The following TCF12 variants were observed in gnomAD, a reference collection of about 807,000 sequenced individuals.
TCF12 encodes transcription factor 12.
In TCF12, 45 loss-of-function variants were observed where a neutral mutation model predicts 86.0. The ratio of observed to expected loss-of-function variants is 0.52; its 90% CI spans 0.41 to 0.67. TCF12 has a LOEUF of 0.67. TCF12 is among the 30% of genes least tolerant of loss of function. TCF12 has a pLI of 0.00. For missense variants in TCF12, 881 were observed against 859.9 expected (o/e 1.02, Z -0.31); for synonymous variants, 330 against 299.6 (o/e 1.10, Z -1.05).
rs530337789 is a variant in TCF12 at position 57,157,095 on chromosome 15, T to G, written c.326-9307T>G. On this transcript the variant is annotated intron_variant, in intron 5 of 20. Transcript: ENST00000333725. Reference sequence around the variant, plus strand: ...ATGTGATTGTTACTTGACTTTCTTTTTCTTTGTTTTGGAGTAAGTGGAGTA... The same window carrying G: ...ATGTGATTGTTACTTGACTTTCTTTGTCTTTGTTTTGGAGTAAGTGGAGTA... Among the ~76,000 whole-genome samples, 25 of 152,326 alleles carry G rather than the reference T, an allele frequency of 1.6e-4. No homozygotes were observed. The South Asian group carries it at 4.3e-3, about 26-fold the overall frequency.
intron 8 of TCF12, among the ~76,000 whole-genome samples, chr15:57,204,557 A>G (rs567003894): frequency 2.0e-5 from 3 of 152,322 alleles, no homozygotes; most frequent in East Asian, 3.9e-4. Flanking sequence ...TTTTAAAAAA[A>G]TGTGAATTTT....
intron 3 of TCF12, among the ~76,000 whole-genome samples, chr15:57,051,114 G>T (rs2082739634): frequency 6.6e-6 from 1 of 152,096 alleles, no homozygotes; most frequent in Admixed American, 6.5e-5. Context: ...GCAGAGTTTT[G>T]TTTTTGCTCT....
intron 6 of TCF12, among the ~76,000 whole-genome samples, chr15:57,167,579 G>A (rs2054996102): frequency 6.6e-6 from 1 of 151,906 alleles, no homozygotes; most frequent in Non-Finnish European, 1.5e-5. Flanking sequence ...AGAGAGAAAG[G>A]AGGGAAGGAG....
At position 57,289,343 on chromosome 15, in the gene TCF12, G is replaced by C. The variant is rs1478119123; in HGVS notation, c.*3198G>C. On this transcript the variant is annotated 3_prime_UTR_variant, in exon 21 of 21. Transcript: ENST00000333725. The stretch of plus-strand genomic sequence containing the variant: ...TGAAATAAAATATAGAGACCATCTA[G>C]TAAATGACCTCATTAATATATCTGT... 1 of 152,140 alleles carries C rather than the reference G, an allele frequency of 6.6e-6. No homozygotes were observed. The highest frequency in any genetic ancestry group is 1.5e-5 in the Non-Finnish European group (1 of 68,048). The allele number at this position is 152,140 out of a possible 1,614,324, so 9.4% of individuals were successfully genotyped here. A position where few individuals can be genotyped will look rare whatever the true frequency, so the allele number is the denominator to read the frequency against.
chr15:57,026,405 C>G (rs116525341), intron 3 of TCF12, among the ~76,000 whole-genome samples: 1 of 152,136 alleles, frequency 6.6e-6, no homozygotes, highest in Non-Finnish European at 1.5e-5. Context: ...GCCTAGTGTC[C>G]TGTTACTGAT....
chr15:56,995,657 T>G (rs1383141486), intron 3 of TCF12, among the ~76,000 whole-genome samples: 1 of 152,108 alleles, frequency 6.6e-6, no homozygotes, highest in Non-Finnish European at 1.5e-5. Flanking sequence ...CCCTGAAACT[T>G]TATTGTAGTT....
At chr15:57,083,407 A>C (rs1413595767) in intron 4 of TCF12, among the ~76,000 whole-genome samples, 2 of 151,922 alleles carry the variant, frequency 1.3e-5, no homozygotes, top group East Asian at 3.9e-4. Context: ...TCGTTTCTAC[A>C]ATGGGTATAT....
intron 3 of TCF12, among the ~76,000 whole-genome samples, chr15:56,981,051 C>T (rs74018449): frequency 2.1e-4 from 32 of 152,224 alleles, no homozygotes; most frequent in African/African-American, 6.5e-4. Flanking sequence ...TAATAAATTC[C>T]GGACTAATGA....
rs2061952947 is a variant in TCF12, at chr15:57,286,904, TTACCTTACAGTGGTAAGCAGAGACCATC to T, written c.*761_*788del. 3.3e-6 allele frequency: 1 copy of T among 303,918 alleles called. No homozygotes were observed. The highest frequency in any genetic ancestry group is 4.6e-5 in the Admixed American group (1 of 21,740). 18.8% of individuals were successfully genotyped at this position (303,918 alleles called of 1,614,324 possible). ...GTGCAGCCCTGTGTGCTTTGCACATTTACCTTACAGTGGTAAGCAGAGACCATCTGTGACCATAGCCTAGCTAGCATTT... is the reference window on the plus strand; with the variant it reads ...GTGCAGCCCTGTGTGCTTTGCACATTTGTGACCATAGCCTAGCTAGCATTT... On this transcript the variant is annotated 3_prime_UTR_variant, in exon 21 of 21. Transcript: ENST00000333725.
intron 3 of TCF12, among the ~76,000 whole-genome samples, chr15:56,925,341 A>G (rs958634762): frequency 7.2e-6 from 1 of 138,832 alleles, no homozygotes; most frequent in East Asian, 2.2e-4. Context: ...TTTATTATAT[A>G]TAGTGAGGCA....
chr15:56,931,404 C>G (rs2060242689), intron 3 of TCF12, among the ~76,000 whole-genome samples: 1 of 152,024 alleles, frequency 6.6e-6, no homozygotes, highest in Admixed American at 6.6e-5. Flanking sequence ...GTGTAGAATT[C>G]TTTTCATTTG....
chr15:57,139,637 T>C (rs552560438), intron 5 of TCF12, among the ~76,000 whole-genome samples: 27 of 152,190 alleles, frequency 1.8e-4, no homozygotes, highest in African/African-American at 6.3e-4. Context: ...AAAAAATCTC[T>C]AATGTTTACT....
At chr15:57,065,861 A>G (rs1315755685) in intron 4 of TCF12, among the ~76,000 whole-genome samples, 3 of 152,156 alleles carry the variant, frequency 2.0e-5, no homozygotes, top group Non-Finnish European at 4.4e-5. Flanking sequence ...TAAATTGATT[A>G]TATAGTAAGC....
chr15:57,269,467 G>T (rs1426172189), intron 18 of TCF12, among the ~76,000 whole-genome samples: 1 of 140,632 alleles, frequency 7.1e-6, no homozygotes, highest in South Asian at 2.3e-4. Context: ...CATGAAGTGG[G>T]TCTCCTGAAT....
At chr15:57,144,508 C>T (rs934787740) in intron 5 of TCF12, among the ~76,000 whole-genome samples, 5 of 152,146 alleles carry the variant, frequency 3.3e-5, no homozygotes, top group African/African-American at 9.7e-5. Context: ...ACTTTATAGG[C>T]TTTCTTTTCT....
At chr15:57,219,606 T>G in intron 8 of TCF12, 1 of 1,611,026 alleles carries the variant, frequency 6.2e-7, no homozygotes, top group African/African-American at 1.3e-5. Context: ...CCTTTTTCTT[T>G]GTATAGCTTC....
At chr15:57,198,689 T>A (rs1386768309) in intron 8 of TCF12, among the ~76,000 whole-genome samples, 2 of 152,136 alleles carry the variant, frequency 1.3e-5, no homozygotes, top group Non-Finnish European at 2.9e-5. Context: ...GGCTGTTTGA[T>A]TGAGGCCCCA....
intron 3 of TCF12, among the ~76,000 whole-genome samples, chr15:57,045,938 C>T (rs2067203959): frequency 6.6e-6 from 1 of 152,192 alleles, no homozygotes; most frequent in Non-Finnish European, 1.5e-5. Context: ...GGCAATACCA[C>T]AAATGGGAAA....
chr15:57,051,534 G>A (rs2067618521), intron 3 of TCF12, among the ~76,000 whole-genome samples: 1 of 151,808 alleles, frequency 6.6e-6, no homozygotes, highest in African/African-American at 2.4e-5. Context: ...ATGTTGCCCA[G>A]GCTGTCTCGA....
Sources: allele counts gnomAD v4.1 joint callset (sites outside exome capture counted in the v4.1 genomes callset), GRCh38; gene constraint gnomAD v4.1.1; transcripts MANE v1.5; gene names NCBI Gene and HGNC (gene_info 2026-07-23, HGNC 2026-07-21).